DPYD: variants seen among roughly 807,000 people sequenced by gnomAD.
DPYD encodes the protein dihydropyrimidine dehydrogenase.
DPYD carries 109 observed loss-of-function variants against 116.2 expected under a neutral mutation model. That is an observed-to-expected ratio of 0.94 (90% confidence interval 0.80 to 1.10). The LOEUF is 1.10. Ranked by LOEUF, DPYD falls within the 50% of genes least tolerant of loss-of-function variation. The probability of loss-of-function intolerance (pLI) is 0.00; values close to 1 mark genes in which losing one functional copy is unlikely to be tolerated. For missense variants in DPYD, 1,302 were observed against 1,254.5 expected (o/e 1.04, Z -0.57); for synonymous variants, 440 against 432.0 (o/e 1.02, Z -0.23).
At chr1:97,787,188 C>T (rs1283495632) in intron 3 of DPYD, among the ~76,000 whole-genome samples, 1 of 152,178 alleles carries the variant, frequency 6.6e-6, no homozygotes, top group East Asian at 1.9e-4. Context: ...TAAAGCCTCT[C>T]ATCTTGTTTC....
At position 97,234,874 on chromosome 1, in the gene DPYD, T is replaced by C. The variant is rs1335150891; in HGVS notation, c.2420A>G (p.His807Arg). ...TACCTGGAGGACGGAAGCACCACTA[T>C]GGAGAAACTGAAGACCACTTTCAGC... ...DSAESGLQFL[H>R]SGASVLQVCS... is the part of the protein sequence containing the mutation. The change falls in exon 19 of 23, where the codon CAT becomes CGT. Residue 807 changes from histidine to arginine, a missense_variant. Transcript: ENST00000370192. 1.3e-5 allele frequency: 21 copies of C among 1,613,922 alleles called. No homozygotes were observed. Among genetic ancestry groups the C allele is most frequent in the East Asian group, 8.9e-5 (4 of 44,832 alleles).
rs569828275 is a variant in DPYD, at chr1:97,717,331, A to G, written c.483+4179T>C. Among the ~76,000 whole-genome samples the G allele has an allele frequency of 5.3e-5, 8 of 152,250 alleles. No homozygotes were observed. The South Asian group carries it at 1.7e-3, about 32-fold the overall frequency. On this transcript the variant is annotated intron_variant, in intron 5 of 22. Coordinates refer to ENST00000370192, the MANE Select transcript of DPYD (RefSeq NM_000110.4). ...AAATAAAAAAAATGTTTAAAAACATAAAAAAGGAAAATCTACAGATACCTC... is the reference window on the plus strand; with the variant it reads ...AAATAAAAAAAATGTTTAAAAACATGAAAAAGGAAAATCTACAGATACCTC...
At chr1:97,282,644 T>A (rs1220534045) in intron 18 of DPYD, among the ~76,000 whole-genome samples, 1 of 152,094 alleles carries the variant, frequency 6.6e-6, no homozygotes, top group Non-Finnish European at 1.5e-5. Flanking sequence ...AAATTGCATG[T>A]TGCATGGGTT....
chr1:97,487,888 T>A (rs377200163), intron 13 of DPYD, among the ~76,000 whole-genome samples: 2 of 152,166 alleles, frequency 1.3e-5, no homozygotes, highest in African/African-American at 4.8e-5. Flanking sequence ...ATTAAACATA[T>A]AGTTACCATA....
rs71883710 is a variant in DPYD at position 97,724,293 on chromosome 1, TGGGGGGGGG to T, written c.322-2631_322-2623del. On this transcript the variant is annotated intron_variant, in intron 4 of 22. Coordinates refer to ENST00000370192, the MANE Select transcript of DPYD (RefSeq NM_000110.4). ...AGACACAGAAAGAATAGGATGTATG[TGGGGGGGGG>T]GGGGGGTGTGTGTGTGTGTGTGTGT... Among the ~76,000 whole-genome samples, 117 of 21,788 alleles carry T rather than the reference TGGGGGGGGG, an allele frequency of 5.4e-3. 2 individuals are homozygous for T. Among genetic ancestry groups the T allele is most frequent in the South Asian group, 0.019 (8 of 430 alleles). The allele number at this position is 21,788 out of a possible 152,430, so 14.3% of individuals were successfully genotyped here.
chr1:97,446,066 A>G lies in DPYD; in HGVS notation c.1905+3993T>C, dbSNP rs1039600919. 2.6e-5 allele frequency among the ~76,000 whole-genome samples: 4 copies of G among 152,174 alleles called. No individual in the cohort carries two copies. In the South Asian group the frequency reaches 6.2e-4, roughly 24 times the overall value. On this transcript the variant is annotated intron_variant, in intron 14 of 22. Transcript: ENST00000370192. ...TTTAAGATGACAAATGCAATAAACC[A>G]TAGTGGCACTATTGATATCTGTCAC...
At chr1:97,762,446 AGTC>A (rs1665627914) in intron 3 of DPYD, among the ~76,000 whole-genome samples, 2 of 152,170 alleles carry the variant, frequency 1.3e-5, no homozygotes, top group Non-Finnish European at 2.9e-5. Flanking sequence ...TTATTGTCAT[AGTC>A]CTGCCAAGGA....
At chr1:97,527,209 G>A (rs1439494048) in intron 12 of DPYD, among the ~76,000 whole-genome samples, 1 of 151,894 alleles carries the variant, frequency 6.6e-6, no homozygotes, top group East Asian at 1.9e-4. Context: ...CTCTCGAGTA[G>A]CTGGGACCAC....
chr1:97,740,390 A>G lies in DPYD; in HGVS notation c.321+2T>C, dbSNP rs1193078195. 6.2e-7 allele frequency: 1 copy of G among 1,608,912 alleles called. No individual in the cohort carries two copies. Among genetic ancestry groups the G allele is most frequent in the Admixed American group, 1.7e-5 (1 of 59,990 alleles). Reference sequence around the variant, plus strand: ...CATTTGCAGAGTTAAATCTGAATTTACCTTGTTTGCAATACTTGTGATGAA... The same window carrying G: ...CATTTGCAGAGTTAAATCTGAATTTGCCTTGTTTGCAATACTTGTGATGAA... On this transcript the variant is annotated splice_donor_variant, in intron 4 of 22. Transcript: ENST00000370192. LOFTEE classifies it high-confidence loss of function.
intron 11 of DPYD, among the ~76,000 whole-genome samples, chr1:97,551,221 T>C (rs1483337122): frequency 6.6e-6 from 1 of 152,176 alleles, no homozygotes; most frequent in Non-Finnish European, 1.5e-5. Flanking sequence ...AATATTCATG[T>C]AATTATTTTC....
chr1:97,132,037 C>T (rs1254055924), intron 20 of DPYD, among the ~76,000 whole-genome samples: 1 of 152,018 alleles, frequency 6.6e-6, no homozygotes, highest in East Asian at 1.9e-4. Flanking sequence ...GTAAACACAA[C>T]TAAAAATTTG....
chr1:97,546,216 T>C (rs1650845372), intron 12 of DPYD: 1 of 1,542,146 alleles, frequency 6.5e-7, no homozygotes. Flanking sequence ...AAAACGAGGA[T>C]GGCAACAGAA....
At chr1:97,289,966 A>G (rs1268010033) in intron 18 of DPYD, among the ~76,000 whole-genome samples, 1 of 152,170 alleles carries the variant, frequency 6.6e-6, no homozygotes, top group Admixed American at 6.5e-5. Context: ...AATCTCCTTA[A>G]GCTGATAAGC....
intron 20 of DPYD, among the ~76,000 whole-genome samples, chr1:97,162,637 G>T (rs1420842621): frequency 6.6e-6 from 1 of 151,710 alleles, no homozygotes; most frequent in South Asian, 2.1e-4. Flanking sequence ...CTACTTTAAA[G>T]TTCATATGGA....
intron 2 of DPYD, chr1:97,855,973 C>G (rs1002671339): frequency 6.6e-6 from 1 of 152,136 alleles, no homozygotes; most frequent in Admixed American, 6.5e-5. Flanking sequence ...TTGGAGACGA[C>G]GACATGGATG....
At chr1:97,243,431 T>C (rs529360426) in intron 18 of DPYD, among the ~76,000 whole-genome samples, 1 of 152,042 alleles carries the variant, frequency 6.6e-6, no homozygotes, top group South Asian at 2.1e-4. Context: ...TATAGATGTG[T>C]AAACTGAGAT....
chr1:97,488,153 G>C (rs1004812718), intron 13 of DPYD, among the ~76,000 whole-genome samples: 1 of 151,740 alleles, frequency 6.6e-6, no homozygotes, highest in African/African-American at 2.4e-5. Flanking sequence ...AGGGTATGAT[G>C]CTTATTTTTT....
Position 97,237,241 on chromosome 1 carries a change from CAAAAAAAAAAAA to C in DPYD, c.2300-2259_2300-2248del, listed in dbSNP as rs58926889. On this transcript the variant is annotated intron_variant, in intron 18 of 22. Transcript: ENST00000370192. ...GGGCAACAAGAGCAAGATTCTGTCT[CAAAAAAAAAAAA>C]AAAAAAAAAAAAAAAAAAATCGGTG... Among the ~76,000 whole-genome samples, 13 of 57,694 alleles carry C rather than the reference CAAAAAAAAAAAA, an allele frequency of 2.3e-4. No individual in the cohort carries two copies. In the South Asian group the frequency reaches 3.6e-3, roughly 16 times the overall value. 37.8% of individuals were successfully genotyped at this position (57,694 alleles called of 152,430 possible).
At chr1:97,547,616 C>T (rs1420731461) in intron 12 of DPYD, among the ~76,000 whole-genome samples, 2 of 152,056 alleles carry the variant, frequency 1.3e-5, no homozygotes, top group African/African-American at 4.8e-5. Context: ...TTTCCTGAAT[C>T]AAAGCTTTGT....
Sources: allele counts gnomAD v4.1 joint callset (sites outside exome capture counted in the v4.1 genomes callset), GRCh38; gene constraint gnomAD v4.1.1; transcripts MANE v1.5; gene names NCBI Gene and HGNC (gene_info 2026-07-23, HGNC 2026-07-21).